LOC128462377: variants seen among roughly 807,000 people sequenced by gnomAD.
chr16:89,377,826 C>T, the LOC128462377 span, among the ~76,000 whole-genome samples: 1 of 152,074 alleles, frequency 6.6e-6, no homozygotes, highest in African/African-American at 2.4e-5. Context: ...ACACCAAATG[C>T]GCCTGCCTCT....
the LOC128462377 span, among the ~76,000 whole-genome samples, chr16:89,379,163 G>A: frequency 9.8e-5 from 15 of 152,336 alleles, no homozygotes; most frequent in Non-Finnish European, 1.8e-4. Context: ...TGCCTGCCCC[G>A]GCACACGGCC....
At chr16:89,375,266 A>G in the LOC128462377 span, among the ~76,000 whole-genome samples, 2 of 152,176 alleles carry the variant, frequency 1.3e-5, no homozygotes, top group Non-Finnish European at 2.9e-5. Flanking sequence ...TGGTCTCTCC[A>G]GAAATTGTGT....
chr16:89,391,138 G>A, the LOC128462377 span, among the ~76,000 whole-genome samples: 1 of 150,500 alleles, frequency 6.6e-6, no homozygotes, highest in African/African-American at 2.4e-5. Context: ...TGAAGCAGGA[G>A]AATGGTGTGA....
the LOC128462377 span, among the ~76,000 whole-genome samples, chr16:89,388,104 T>G: frequency 1.3e-5 from 2 of 152,062 alleles, no homozygotes; most frequent in Admixed American, 1.3e-4. Context: ...TCAGAGTCCC[T>G]GTACAGCCTT....
chr16:89,349,148 A>AAAACAAAAC, the LOC128462377 span, among the ~76,000 whole-genome samples: 2 of 144,402 alleles, frequency 1.4e-5, no homozygotes, highest in African/African-American at 5.1e-5. Context: ...AAAAAAAAAA[A>AAAACAAAAC]AAAAAAAAAA....
At chr16:89,336,898 G>A in the LOC128462377 span, among the ~76,000 whole-genome samples, 1 of 151,788 alleles carries the variant, frequency 6.6e-6, no homozygotes, top group Non-Finnish European at 1.5e-5. Context: ...GGCTGGGTGC[G>A]GTGGCTCATG....
chr16:89,403,460 G>C, the LOC128462377 span, among the ~76,000 whole-genome samples: 1 of 152,184 alleles, frequency 6.6e-6, no homozygotes, highest in South Asian at 2.1e-4. Flanking sequence ...CAGTAAGCGA[G>C]GCCCCGCGCT....
chr16:89,412,668 C>G, the LOC128462377 span: 2 of 152,006 alleles, frequency 1.3e-5, no homozygotes, highest in Non-Finnish European at 2.9e-5. Context: ...TTTGCTAGAT[C>G]CAGGCAAAAT....
At chr16:89,327,832 G>C in the LOC128462377 span, among the ~76,000 whole-genome samples, 1 of 152,152 alleles carries the variant, frequency 6.6e-6, no homozygotes, top group African/African-American at 2.4e-5. Context: ...CTAGGGCCAA[G>C]AGTTGTCAGA....
the LOC128462377 span, among the ~76,000 whole-genome samples, chr16:89,416,580 G>A: frequency 1.3e-5 from 2 of 152,078 alleles, no homozygotes; most frequent in Admixed American, 6.5e-5. Flanking sequence ...TTACAGGCGT[G>A]AGCCACTGTG....
chr16:89,383,013 C>A, the LOC128462377 span, among the ~76,000 whole-genome samples: 5 of 152,112 alleles, frequency 3.3e-5, no homozygotes, highest in African/African-American at 1.2e-4. Flanking sequence ...GCTTGTAAAG[C>A]GTAACTTTTA....
the LOC128462377 span, among the ~76,000 whole-genome samples, chr16:89,414,879 G>A: frequency 6.6e-6 from 1 of 152,166 alleles, no homozygotes; most frequent in African/African-American, 2.4e-5. Context: ...CCACCCCAAG[G>A]AATCAAAGTG....
the LOC128462377 span, among the ~76,000 whole-genome samples, chr16:89,394,489 G>A: frequency 3.1e-4 from 47 of 152,100 alleles, no homozygotes; most frequent in African/African-American, 8.9e-4. Flanking sequence ...TTAGCTGTGC[G>A]TGGTGGCAGG....
At chr16:89,323,821 C>T in the LOC128462377 span, 14 of 237,386 alleles carry the variant, frequency 5.9e-5, no homozygotes, top group East Asian at 1.7e-3. Context: ...CTGTGGGGTT[C>T]CAGCTATCAC....
chr16:89,319,592 G>C, the LOC128462377 span, among the ~76,000 whole-genome samples: 7 of 152,306 alleles, frequency 4.6e-5, no homozygotes, highest in East Asian at 7.7e-4. Flanking sequence ...CGATGGCAGC[G>C]ATGTGCTCGA....
At chr16:89,341,565 T>TA in the LOC128462377 span, among the ~76,000 whole-genome samples, 2 of 151,870 alleles carry the variant, frequency 1.3e-5, no homozygotes, top group South Asian at 4.2e-4. Context: ...GATAATGGCA[T>TA]AAAAAAAATT....
At chr16:89,324,300 C>T in the LOC128462377 span, 42 of 1,268,106 alleles carry the variant, frequency 3.3e-5, no homozygotes, top group African/African-American at 6.1e-5. Context: ...ACGGACCACC[C>T]GACAGGAGCA....
chr16:89,324,180 G>T, the LOC128462377 span: 11 of 1,157,968 alleles, frequency 9.5e-6, no homozygotes, highest in African/African-American at 6.5e-5. Context: ...ATCACGGCGG[G>T]GGGTGGCAGC....
chr16:89,395,212 T>G, the LOC128462377 span, among the ~76,000 whole-genome samples: 2 of 152,354 alleles, frequency 1.3e-5, no homozygotes, highest in Non-Finnish European at 1.5e-5. Context: ...AGGCAGCGTC[T>G]TAACAGAAAG....
Sources: gnomAD v4.1 joint callset for allele counts (sites outside exome capture counted in the v4.1 genomes callset) on GRCh38, gnomAD v4.1.1 for gene constraint, MANE v1.5 for transcripts.